Variants in PGBD5 observed in about 807,000 individuals in gnomAD.
The protein encoded by PGBD5 is piggyBac transposable element-derived protein 5.
Under a neutral mutation model 47.9 loss-of-function variants are expected in PGBD5, and 14 were observed. The ratio of observed to expected loss-of-function variants is 0.29; its 90% CI spans 0.19 to 0.46. PGBD5 has a LOEUF of 0.46. Among genes scored for constraint, PGBD5 ranks in the 20% least tolerant of loss-of-function variants. The pLI is 1.00. For missense variants in PGBD5, 635 were observed against 716.0 expected (o/e 0.89, Z 1.29); for synonymous variants, 316 against 306.3 (o/e 1.03, Z -0.33).
intron 1 of PGBD5, chr1:230,362,261 C>T (rs750828087): frequency 2.2e-6 from 3 of 1,364,082 alleles, no homozygotes; most frequent in Non-Finnish European, 2.9e-6. Flanking sequence ...CTTCCTCTAC[C>T]AGCTCCTTCA....
intron 1 of PGBD5, among the ~76,000 whole-genome samples, chr1:230,373,043 G>C (rs576963748): frequency 1.3e-5 from 2 of 152,354 alleles, no homozygotes; most frequent in East Asian, 3.9e-4. Context: ...AAGGCTTCAT[G>C]AATATCAAAG....
At chr1:230,414,391 C>T (rs568641771) in intron 1 of PGBD5, among the ~76,000 whole-genome samples, 3 of 152,306 alleles carry the variant, frequency 2.0e-5, no homozygotes, top group Admixed American at 2.0e-4. Flanking sequence ...TTCCAATTTC[C>T]CCAGTGTCAT....
Position 230,323,344 on chromosome 1 carries a change from G to C in PGBD5, c.*81C>G. On this transcript the variant is annotated 3_prime_UTR_variant, in exon 7 of 7. Coordinates refer to ENST00000391860, the MANE Select transcript of PGBD5 (RefSeq NM_001258311.2). The surrounding 1 kb of genome is among the most constrained non-coding windows in gnomAD (Gnocchi z 4.1). ...GCAAGCCACACACCAGGCCGTGTCC[G>C]GGTCTCTGATGGGCAAGTTGGAACG... The C allele has an allele frequency of 6.6e-7, 1 of 1,508,632 alleles. No homozygotes were observed. The highest frequency in any genetic ancestry group is 8.9e-7 in the Non-Finnish European group (1 of 1,117,976). 93.5% of individuals were successfully genotyped at this position (1,508,632 alleles called of 1,614,324 possible).
At chr1:230,391,970 G>T (rs1052340061) in intron 1 of PGBD5, among the ~76,000 whole-genome samples, 1 of 152,178 alleles carries the variant, frequency 6.6e-6, no homozygotes, top group African/African-American at 2.4e-5. Flanking sequence ...CCTGCTGGGC[G>T]TTTGCTCATT....
At chr1:230,415,287 A>C (rs1657490675) in intron 1 of PGBD5, among the ~76,000 whole-genome samples, 4 of 147,418 alleles carry the variant, frequency 2.7e-5, no homozygotes, top group Non-Finnish European at 6.0e-5. Context: ...AAAAAAAAAA[A>C]GTGCTCAAAT....
chr1:230,364,247 G>A (rs1486035443), intron 1 of PGBD5, among the ~76,000 whole-genome samples: 1 of 152,348 alleles, frequency 6.6e-6, no homozygotes, highest in South Asian at 2.1e-4. Context: ...GGCACCCTTC[G>A]ATCTGGGTAG....
At chr1:230,346,942 G>A (rs1571833207) in intron 3 of PGBD5, among the ~76,000 whole-genome samples, 2 of 152,248 alleles carry the variant, frequency 1.3e-5, no homozygotes, top group African/African-American at 4.8e-5. Context: ...AACAGTCCAT[G>A]CCTAGATTTG....
chr1:230,424,966 G>A (rs1657739719), intron 1 of PGBD5, among the ~76,000 whole-genome samples: 1 of 152,156 alleles, frequency 6.6e-6, no homozygotes, highest in African/African-American at 2.4e-5. Flanking sequence ...ACCTTCTGGC[G>A]GAAAAGCAAG....
At chr1:230,329,924 T>C (rs1667186085) in intron 5 of PGBD5, among the ~76,000 whole-genome samples, 1 of 152,158 alleles carries the variant, frequency 6.6e-6, no homozygotes, top group Non-Finnish European at 1.5e-5. Context: ...ACCTAAAGCA[T>C]GAGAGCAGAG....
chr1:230,344,109 C>T (rs1466680718), intron 3 of PGBD5, among the ~76,000 whole-genome samples: 2 of 152,172 alleles, frequency 1.3e-5, no homozygotes, highest in Non-Finnish European at 2.9e-5. Context: ...CACAGTGAAA[C>T]CCCTTCTCTA....
chr1:230,374,769 G>A (rs1273311223), intron 1 of PGBD5, among the ~76,000 whole-genome samples: 1 of 152,206 alleles, frequency 6.6e-6, no homozygotes, highest in Non-Finnish European at 1.5e-5. Context: ...CAAAACCAGA[G>A]AGCAGGATTA....
intron 1 of PGBD5, among the ~76,000 whole-genome samples, chr1:230,380,515 C>T (rs1436712963): frequency 6.6e-6 from 1 of 152,218 alleles, no homozygotes; most frequent in Admixed American, 6.5e-5. Context: ...GAACCAGCAC[C>T]TCCTTCCCCT....
At chr1:230,330,758 G>GA (rs1415263616) in intron 5 of PGBD5, among the ~76,000 whole-genome samples, 3 of 152,198 alleles carry the variant, frequency 2.0e-5, no homozygotes, top group Non-Finnish European at 4.4e-5. Context: ...GTGGGGAGGG[G>GA]GGCTACAGTG....
intron 3 of PGBD5, among the ~76,000 whole-genome samples, chr1:230,341,890 G>A (rs907707127): frequency 9.2e-5 from 14 of 152,026 alleles, no homozygotes; most frequent in African/African-American, 3.1e-4. Context: ...TTGCTCCTAT[G>A]ATTTTTAAAT....
At chr1:230,373,810 C>T (rs184899035) in intron 1 of PGBD5, among the ~76,000 whole-genome samples, 282 of 152,234 alleles carry the variant, frequency 1.9e-3, no homozygotes, top group African/African-American at 6.5e-3. Context: ...TCTCCCACCT[C>T]AGTCTCCTTA....
At chr1:230,353,502 G>A (rs113642721) in intron 2 of PGBD5, among the ~76,000 whole-genome samples, 12 of 152,234 alleles carry the variant, frequency 7.9e-5, no homozygotes, top group African/African-American at 2.4e-4. Context: ...GACCAAACTC[G>A]TACCAAAGGG....
At position 230,319,721 on chromosome 1, in the gene PGBD5, G is replaced by A; in HGVS notation, c.*3704C>T. On this transcript the variant is annotated 3_prime_UTR_variant, in exon 7 of 7. Transcript: ENST00000391860. ...GACCAAGCCTCATCTGATTTAGTCA[G>A]TACTGGATGTGTTTGCTCAGAATGA... 6.6e-6 allele frequency: 1 copy of A among 152,302 alleles called. No homozygotes were observed. Among genetic ancestry groups the A allele is most frequent in the South Asian group, 2.1e-4 (1 of 4,822 alleles). 9.4% of individuals were successfully genotyped at this position (152,302 alleles called of 1,614,324 possible).
intron 2 of PGBD5, 63 bp from the exon 3 acceptor site, chr1:230,351,155 A>G (rs1226672240): frequency 5.3e-6 from 8 of 1,506,828 alleles, no homozygotes; most frequent in Non-Finnish European, 6.2e-6. Flanking sequence ...GGCTCATCAG[A>G]TTGGAGCTCA....
chr1:230,356,198 G>A (rs1198559042), intron 2 of PGBD5, among the ~76,000 whole-genome samples: 2 of 152,158 alleles, frequency 1.3e-5, no homozygotes, highest in African/African-American at 2.4e-5. Context: ...CCATCTCATC[G>A]GTTTGCTAGA....
Sources: gnomAD v4.1 joint callset for allele counts (sites outside exome capture counted in the v4.1 genomes callset) on GRCh38, gnomAD v4.1.1 for gene constraint, Gnocchi (gnomAD v3.1) non-coding constraint, MANE v1.5 for transcripts, NCBI Gene and HGNC (gene_info 2026-07-23, HGNC 2026-07-21) for gene names.